Variants in AKAP9 observed in about 807,000 individuals in gnomAD.
AKAP9 encodes A-kinase anchor protein 9.
In AKAP9, 311 loss-of-function variants were observed where a neutral mutation model predicts 488.5. The ratio of observed to expected loss-of-function variants is 0.64; its 90% confidence interval spans 0.58 to 0.70. AKAP9 has a LOEUF of 0.70. Ranked by LOEUF, AKAP9 falls within the 30% of genes least tolerant of loss-of-function variation. The probability of loss-of-function intolerance (pLI) is 0.00; values close to 1 mark genes in which losing one functional copy is unlikely to be tolerated. For missense variants in AKAP9, 4,215 were observed against 4,374.5 expected, an observed-to-expected ratio of 0.96 and a Z score of 1.03; for synonymous variants, 1,462 against 1,483.5, an observed-to-expected ratio of 0.99 and a Z score of 0.33.
In AKAP9 at chr7:92,020,183, G is replaced by C. The variant is rs540631125; in HGVS notation, c.3838-2055G>C. Among the ~76,000 whole-genome samples the C allele has an allele frequency of 2.6e-5, 4 of 152,268 alleles. No homozygotes were observed. The East Asian group carries it at 7.7e-4, about 29-fold the overall frequency. On this transcript the variant is annotated intron_variant, in intron 12 of 49. Transcript: ENST00000356239. ...GCATTTCAGAGTTACTTTGGGATCA[G>C]GATCAGGACTGCAATACATCACTGT...
At chr7:92,091,585 CA>C (rs796606265) in intron 38 of AKAP9, among the ~76,000 whole-genome samples, 449 of 22,070 alleles carry the variant, frequency 0.02, 5 homozygotes, top group East Asian at 0.046. Flanking sequence ...GACTCTGTCT[CA>C]AAAAAAAAAA....
Position 92,057,734 on chromosome 7 carries a change from G to C in AKAP9, c.5602-3526G>C, listed in dbSNP as rs1443364992. 1.4e-5 allele frequency: 3 copies of C among 221,892 alleles called. No homozygotes were observed. In the East Asian group the frequency reaches 2.0e-4, roughly 14 times the overall value. The allele number at this position is 221,892 out of a possible 1,614,324, so 13.7% of individuals were successfully genotyped here. A position where few individuals can be genotyped will look rare whatever the true frequency, so the allele number is the denominator to read the frequency against. On this transcript the variant is annotated intron_variant, in intron 22 of 49. Transcript: ENST00000356239. Reference sequence around the variant, plus strand: ...AACTTGACCTTCCCTGCCAGGTTCTGCTTTGAAGGCTTACTTATTACTACA... The same window carrying C: ...AACTTGACCTTCCCTGCCAGGTTCTCCTTTGAAGGCTTACTTATTACTACA...
At chr7:91,953,247 A>C (rs959983737) in intron 1 of AKAP9, among the ~76,000 whole-genome samples, 2 of 152,334 alleles carry the variant, frequency 1.3e-5, no homozygotes, top group Admixed American at 1.3e-4. Context: ...TGTTACTACT[A>C]AGAAAAATGT....
chr7:91,994,804 A>G (rs1218254495), intron 6 of AKAP9, 28 bp downstream of exon 6: 4 of 1,587,380 alleles, frequency 2.5e-6, no homozygotes, highest in Non-Finnish European at 3.4e-6. Flanking sequence ...AACAAAATTC[A>G]TTATTTTTTT....
intron 47 of AKAP9, among the ~76,000 whole-genome samples, chr7:92,106,365 T>C (rs1301373482): frequency 8.0e-6 from 1 of 125,618 alleles, no homozygotes; most frequent in African/African-American, 3.1e-5. Flanking sequence ...ACTCTCACTT[T>C]TAGATGAAAA....
At chr7:91,982,192 T>C (rs768265280) in intron 3 of AKAP9, among the ~76,000 whole-genome samples, 1 of 152,088 alleles carries the variant, frequency 6.6e-6, no homozygotes, top group Non-Finnish European at 1.5e-5. Flanking sequence ...TGTATGTATG[T>C]ATGTATGTAT....
chr7:91,980,366 T>G (rs1796233314), intron 3 of AKAP9, 33 bp downstream of exon 3: 4 of 1,106,454 alleles, frequency 3.6e-6, no homozygotes, highest in Non-Finnish European at 5.3e-6. Flanking sequence ...TCTAATATCA[T>G]AAATGTATAT....
At position 92,082,622 on chromosome 7, in the gene AKAP9, G is replaced by C. The variant is rs1563110498; in HGVS notation, c.8120G>C (p.Ser2707Thr). The C allele has an allele frequency of 6.2e-7, 1 of 1,613,876 alleles. No individual in the cohort carries two copies. The highest frequency in any genetic ancestry group is 1.3e-5 in the African/African-American group (1 of 74,912). The change falls in exon 32 of 50, where the codon AGT becomes ACT. Residue 2707 changes from serine to threonine, a missense_variant. By Grantham distance (58) the Ser-to-Thr change is moderately conservative. Transcript: ENST00000356239. ...ESVATKAELA[S>T]YKEKAEKLQE... Reference sequence around the variant, plus strand: ...GTGGCTACCAAAGCAGAACTTGCCAGTTATAAAGAAAAGGCTGAAAAACTT... The same window carrying C: ...GTGGCTACCAAAGCAGAACTTGCCACTTATAAAGAAAAGGCTGAAAAACTT...
intron 42 of AKAP9, 23 bp downstream of exon 42, chr7:92,097,817 T>G: frequency 6.2e-7 from 1 of 1,610,602 alleles, no homozygotes; most frequent in Non-Finnish European, 8.5e-7. Context: ...TGCCTGATCT[T>G]TGGGAAAGTA....
chr7:92,002,921 A>T lies in AKAP9; in HGVS notation c.3004A>T (p.Asn1002Tyr), dbSNP rs549252449. The change falls in exon 8 of 50, where the codon AAC becomes TAC. Residue 1002 changes from asparagine (N) to tyrosine (Y), a missense_variant. Coordinates refer to ENST00000356239, the MANE Select transcript of AKAP9 (RefSeq NM_005751.5). ...LRCRELEIII[N>Y]HNRAENVQSC... Reference sequence around the variant, plus strand: ...ATGTAGAGAGCTAGAAATCATTATTAACCACAACAGGGCAGAAAATGTACA... The same window carrying T: ...ATGTAGAGAGCTAGAAATCATTATTTACCACAACAGGGCAGAAAATGTACA... The T allele has an allele frequency of 6.2e-7, 1 of 1,611,792 alleles. No homozygotes were observed. The highest frequency in any genetic ancestry group is 1.3e-5 in the African/African-American group (1 of 74,820).
chr7:91,980,495 CTTTTTT>C (rs60385804), intron 3 of AKAP9, among the ~76,000 whole-genome samples, 162 bp downstream of exon 3: 3 of 48,768 alleles, frequency 6.2e-5, no homozygotes, highest in African/African-American at 2.8e-4. Flanking sequence ...GTATTACTGA[CTTTTTT>C]TTTTTTTTTT....
At chr7:92,070,356 T>A in intron 27 of AKAP9, 150 bp downstream of exon 27, 1 of 898,840 alleles carries the variant, frequency 1.1e-6, no homozygotes, top group Non-Finnish European at 1.8e-6. Flanking sequence ...CAAATGTTGC[T>A]TGCATGTCTT....
intron 1 of AKAP9, chr7:91,970,361 A>G: frequency 2.8e-6 from 1 of 357,638 alleles, no homozygotes; most frequent in Non-Finnish European, 5.4e-6. Context: ...TGGGCGCTAC[A>G]CCACAATTAC....
intron 2 of AKAP9, among the ~76,000 whole-genome samples, chr7:91,979,646 C>G (rs1379725499): frequency 1.3e-5 from 2 of 152,178 alleles, no homozygotes; most frequent in Non-Finnish European, 1.5e-5. Flanking sequence ...GCACTGTACT[C>G]TTGTGCTTTG....
At chr7:91,946,274 C>T (rs1486356576) in intron 1 of AKAP9, among the ~76,000 whole-genome samples, 1 of 152,142 alleles carries the variant, frequency 6.6e-6, no homozygotes, top group Admixed American at 6.5e-5. Flanking sequence ...GTTTTTCATA[C>T]TTAGATGTGG....
chr7:92,001,504 G>T lies in AKAP9; in HGVS notation c.1587G>T (p.Gln529His). 1 of 1,613,888 alleles carries T rather than the reference G, an allele frequency of 6.2e-7. No homozygotes were observed. Among genetic ancestry groups the T allele is most frequent in the Non-Finnish European group, 8.5e-7 (1 of 1,179,876 alleles). Residue 529 changes from glutamine to histidine, a missense_variant, in exon 8 of 50, where the codon CAG (glutamine) becomes CAT (histidine). By Grantham distance (24) the Gln-to-His change is conservative. Coordinates refer to ENST00000356239, the MANE Select transcript of AKAP9 (RefSeq NM_005751.5). ...AAGAAAAGTGTGCTCTACAGAGACA[G>T]CTTGAAGACCTTGTTGAAGAATTGA... ...ILEEKCALQRQLEDLVEELSF... is the reference protein window; with the variant it reads ...ILEEKCALQRHLEDLVEELSF...
At chr7:91,986,032 A>C (rs1416439504) in intron 3 of AKAP9, among the ~76,000 whole-genome samples, 2 of 152,230 alleles carry the variant, frequency 1.3e-5, no homozygotes, top group Non-Finnish European at 2.9e-5. Context: ...TTTGGCTTTG[A>C]ATCTGTCTGG....
chr7:91,962,333 G>A (rs192003573), intron 1 of AKAP9, among the ~76,000 whole-genome samples: 31 of 152,056 alleles, frequency 2.0e-4, no homozygotes, highest in Admixed American at 4.6e-4. Flanking sequence ...TTTAAATTTT[G>A]TTTTGCTTTT....
At chr7:92,008,322 G>A (rs1050412798) in intron 8 of AKAP9, among the ~76,000 whole-genome samples, 8 of 151,740 alleles carry the variant, frequency 5.3e-5, no homozygotes, top group South Asian at 2.1e-4. Context: ...AGCCGAGATC[G>A]CGCCACTGCA....
Sources: gnomAD v4.1 joint callset for allele counts (sites outside exome capture counted in the v4.1 genomes callset) on GRCh38, gnomAD v4.1.1 for gene constraint, MANE v1.5 for transcripts, NCBI Gene and HGNC (gene_info 2026-07-23, HGNC 2026-07-21) for gene names.